The following FREM2 variants were observed in gnomAD, a reference collection of about 807,000 sequenced individuals.
FREM2 encodes FRAS1 related extracellular matrix 2, also known as FRAS1-related extracellular matrix protein 2.
In FREM2, 119 loss-of-function variants were observed where a neutral mutation model predicts 219.9. The observed-to-expected ratio is 0.54, with a 90% confidence interval of 0.47 to 0.63. FREM2 has a LOEUF of 0.63. Ranked by LOEUF, FREM2 falls within the 30% of genes least tolerant of loss-of-function variation. The pLI is 0.00. For missense variants in FREM2, 4,030 were observed against 3,993.6 expected, an observed-to-expected ratio of 1.01 and a Z score of -0.25; for synonymous variants, 1,562 against 1,522.8, an observed-to-expected ratio of 1.03 and a Z score of -0.60.
intron 6 of FREM2, among the ~76,000 whole-genome samples, chr13:38,836,224 G>T (rs1876700864): frequency 6.6e-6 from 1 of 152,178 alleles, no homozygotes; most frequent in Admixed American, 6.5e-5. Flanking sequence ...CATTGGTTCT[G>T]TTTATGTGAT....
At chr13:38,778,106 C>G (rs895044775) in intron 4 of FREM2, among the ~76,000 whole-genome samples, 1 of 152,214 alleles carries the variant, frequency 6.6e-6, no homozygotes, top group Admixed American at 6.5e-5. Context: ...AAATCCCATA[C>G]ATGGACCACT....
chr13:38,727,586 G>A (rs768212502), intron 2 of FREM2, among the ~76,000 whole-genome samples: 35 of 152,226 alleles, frequency 2.3e-4, no homozygotes, highest in Non-Finnish European at 4.8e-4. Flanking sequence ...CTGCATGAAG[G>A]CAGAGACTAT....
At chr13:38,765,391 A>G (rs139616676) in intron 3 of FREM2, among the ~76,000 whole-genome samples, 1 of 152,318 alleles carries the variant, frequency 6.6e-6, no homozygotes, top group East Asian at 1.9e-4. Context: ...TGGAATTTGC[A>G]TGGGATAAAA....
At chr13:38,798,836 T>A (rs1234372470) in intron 6 of FREM2, among the ~76,000 whole-genome samples, 1 of 152,092 alleles carries the variant, frequency 6.6e-6, no homozygotes, top group Non-Finnish European at 1.5e-5. Context: ...TCCTTTCTGA[T>A]TTTGTTTATT....
At position 38,691,943 on chromosome 13, in the gene FREM2, G is replaced by A; in HGVS notation, c.4599G>A (p.Lys1533=). The A allele has an allele frequency of 1.2e-6, 2 of 1,614,154 alleles. No homozygotes were observed. Among genetic ancestry groups the A allele is most frequent in the Non-Finnish European group, 1.7e-6 (2 of 1,180,030 alleles). The change falls in exon 1 of 24, where the codon AAG becomes AAA. Residue 1533 remains lysine (K), a synonymous_variant. Transcript: ENST00000280481. ...RISISDVDNK[K]PVVTIHKLVV... ...CCATTAGCGATGTGGACAATAAAAA[G>A]CCAGTGGTCACCATCCACAAGCTGG...
intron 2 of FREM2, among the ~76,000 whole-genome samples, chr13:38,754,656 C>T (rs1194480404): frequency 6.6e-6 from 1 of 152,130 alleles, no homozygotes; most frequent in African/African-American, 2.4e-5. Flanking sequence ...TCACCCTGAC[C>T]ATGGCCCTCA....
intron 3 of FREM2, among the ~76,000 whole-genome samples, chr13:38,765,372 C>T (rs964365875): frequency 2.0e-5 from 3 of 152,104 alleles, no homozygotes; most frequent in African/African-American, 7.2e-5. Flanking sequence ...TTATAGACAT[C>T]TAGACCAATG....
chr13:38,709,216 C>T lies in FREM2; in HGVS notation c.5263+11429C>T, dbSNP rs1284505073. Among the ~76,000 whole-genome samples, 4 of 152,142 alleles carry T rather than the reference C, an allele frequency of 2.6e-5. No individual in the cohort carries two copies. The East Asian group carries it at 7.7e-4, about 29-fold the overall frequency. On this transcript the variant is annotated intron_variant, in intron 2 of 23. Transcript: ENST00000280481. ...TTCCTTTCTTCCTCAATCCCCTGCCCACTTCCTCTGCATGAGATTCAGTAG... is the reference window on the plus strand; with the variant it reads ...TTCCTTTCTTCCTCAATCCCCTGCCTACTTCCTCTGCATGAGATTCAGTAG...
Position 38,690,050 on chromosome 13 carries a change from T to C in FREM2, c.2706T>C (p.Tyr902=). The C allele has an allele frequency of 6.2e-7, 1 of 1,613,954 alleles. No individual in the cohort carries two copies. The highest frequency in any genetic ancestry group is 8.5e-7 in the Non-Finnish European group (1 of 1,180,004). Residue 902 remains tyrosine (Y), a synonymous_variant, in exon 1 of 24, where the codon TAT becomes TAC. Coordinates refer to ENST00000280481, the MANE Select transcript of FREM2 (RefSeq NM_207361.6). ...ACATAAAACAGGGCCGAGTTTCCTA[T>C]GCCCATAATGGGGACAAGTCCCTGA... The part of the protein sequence containing the change: ...LEDIKQGRVS[Y]AHNGDKSLTD...
rs1481077685 is a variant in FREM2, at chr13:38,769,703, G to A, written c.5536G>A (p.Glu1846Lys). Reference sequence around the variant, plus strand: ...GCGAGTGCGGATCCTGAGTGATGGGGAGCATGAGCAGTCTGAAACCTTTCA... The same window carrying A: ...GCGAGTGCGGATCCTGAGTGATGGGAAGCATGAGCAGTCTGAAACCTTTCA... ...TWRVRILSDG[E>K]HEQSETFQVV... Residue 1846 changes from glutamate (E) to lysine (K), a missense_variant, in exon 4 of 24, where the codon GAG (glutamate) becomes AAG (lysine). By Grantham distance (56) the Glu-to-Lys change is moderately conservative. Around this residue, in one of 2 missense-constraint regions of FREM2, gnomAD observed 3,102 missense variants for 2,950.7 expected, o/e 1.05. Coordinates refer to ENST00000280481, the MANE Select transcript of FREM2 (RefSeq NM_207361.6). The A allele has an allele frequency of 6.2e-7, 1 of 1,614,140 alleles. No individual in the cohort carries two copies. The highest frequency in any genetic ancestry group is 1.1e-5 in the South Asian group (1 of 91,086).
intron 6 of FREM2, 62 bp downstream of exon 6, chr13:38,784,870 C>T: frequency 1.3e-6 from 2 of 1,554,212 alleles, no homozygotes; most frequent in Admixed American, 1.7e-5. Flanking sequence ...GAACAACTTT[C>T]TAGACAGAAA....
At chr13:38,695,831 C>G (rs1432388888) in intron 1 of FREM2, among the ~76,000 whole-genome samples, 1 of 152,182 alleles carries the variant, frequency 6.6e-6, no homozygotes, top group African/African-American at 2.4e-5. Flanking sequence ...TCTACCTACT[C>G]AGCCTTTTCA....
intron 16 of FREM2, among the ~76,000 whole-genome samples, chr13:38,867,454 A>T (rs1232789306): frequency 6.6e-6 from 1 of 152,274 alleles, no homozygotes; most frequent in Admixed American, 6.5e-5. Context: ...ATACAATTTA[A>T]TAAAACATGT....
rs371780356 is a variant in FREM2 at position 38,855,019 on chromosome 13, C to A, written c.6926-1107C>A. Among the ~76,000 whole-genome samples the A allele has an allele frequency of 1.2e-4, 19 of 152,206 alleles. No homozygotes were observed. The East Asian group carries it at 1.5e-3, about 12-fold the overall frequency. ...ATCTTAAAAGGTATAGTAAAACCAACAAAATAGTTTATCCATGGTTTACAG... is the reference window on the plus strand; with the variant it reads ...ATCTTAAAAGGTATAGTAAAACCAAAAAAATAGTTTATCCATGGTTTACAG... On this transcript the variant is annotated intron_variant, in intron 11 of 23. Coordinates refer to ENST00000280481, the MANE Select transcript of FREM2 (RefSeq NM_207361.6).
At position 38,718,543 on chromosome 13, in the gene FREM2, C is replaced by T. The variant is rs916667729; in HGVS notation, c.5263+20756C>T. 3.9e-5 allele frequency among the ~76,000 whole-genome samples: 6 copies of T among 152,310 alleles called. No homozygotes were observed. The South Asian group carries it at 1.2e-3, about 32-fold the overall frequency. On this transcript the variant is annotated intron_variant, in intron 2 of 23. Transcript: ENST00000280481. ...CTGGAATCCTTATTCAGAGCATCTA[C>T]TAGCTCAGAAGTCAATTTACATCCT... is the stretch of plus-strand genomic sequence containing the variant.
At chr13:38,832,597 C>T (rs1323657676) in intron 6 of FREM2, among the ~76,000 whole-genome samples, 1 of 152,042 alleles carries the variant, frequency 6.6e-6, no homozygotes, top group Non-Finnish European at 1.5e-5. Flanking sequence ...TAATTTTATA[C>T]ATACCATTCT....
rs1231046970 is a variant in FREM2, at chr13:38,850,154, A to G, written c.6496A>G (p.Thr2166Ala). The G allele has an allele frequency of 6.2e-7, 1 of 1,614,052 alleles. No individual in the cohort carries two copies. The highest frequency in any genetic ancestry group is 1.7e-5 in the Admixed American group (1 of 60,004). ...GTACAGATCTTCAGTGAGATGCTAC[A>G]CCCGGCAGGGGTCTGCACAGGTGAT... ...VQYRSSVRCY[T>A]RQGSAQVMMD... The change falls in exon 9 of 24, where the codon ACC becomes GCC. Residue 2166 changes from threonine (T) to alanine (A), a missense_variant. Thr to Ala is a moderately conservative substitution (Grantham distance 58, BLOSUM62 0). Around this residue, in one of 2 missense-constraint regions of FREM2, gnomAD observed 3,102 missense variants for 2,950.7 expected, o/e 1.05. Transcript: ENST00000280481.
chr13:38,773,606 T>G (rs1191979271), intron 4 of FREM2, among the ~76,000 whole-genome samples: 2 of 152,172 alleles, frequency 1.3e-5, no homozygotes, highest in African/African-American at 2.4e-5. Flanking sequence ...TTGGTTGTTT[T>G]TTTTGTAGAG....
rs1333928954 is a variant in FREM2, at chr13:38,691,740, C to T, written c.4396C>T (p.Arg1466Ter). The T allele has an allele frequency of 7.4e-6, 12 of 1,613,760 alleles. No homozygotes were observed. The highest frequency in any genetic ancestry group is 3.3e-5 in the South Asian group (3 of 91,080). Residue 1466 changes from arginine to a stop codon, truncating the protein, a stop_gained, in exon 1 of 24, where the codon CGA (arginine) becomes TGA (stop). Transcript: ENST00000280481. LOFTEE classifies it high-confidence loss of function. ...TTTTACCATCACCAGGGCTCCCATGCGAGGTCACCTGGAATGCACGGATCA... is the reference window on the plus strand; with the variant it reads ...TTTTACCATCACCAGGGCTCCCATGTGAGGTCACCTGGAATGCACGGATCA... Reference protein sequence around the residue: ...LVFTITRAPMRGHLECTDQPG... With the variant: ...LVFTITRAPM
Sources: allele counts gnomAD v4.1 joint callset (sites outside exome capture counted in the v4.1 genomes callset), GRCh38; gene constraint gnomAD v4.1.1; regional missense constraint gnomAD v4.1.1; transcripts MANE v1.5; gene names NCBI Gene and HGNC (gene_info 2026-07-23, HGNC 2026-07-21).